The following ZCCHC4 variants were observed in gnomAD, a reference collection of about 807,000 sequenced individuals.
ZCCHC4 encodes the protein zinc finger CCHC-type containing 4.
A neutral mutation model predicts 67.7 loss-of-function variants in ZCCHC4; 54 were observed. The observed-to-expected ratio is 0.80, with a 90% CI of 0.64 to 1.00. ZCCHC4 has a LOEUF of 1.00. Ranked by LOEUF, ZCCHC4 falls within the 50% of genes least tolerant of loss-of-function variation. The pLI, the probability that ZCCHC4 is intolerant of heterozygous loss-of-function variation, is 0.00. For synonymous variants in ZCCHC4, 198 were observed against 213.5 expected (o/e 0.93, Z 0.63); for missense variants, 609 against 617.0 (o/e 0.99, Z 0.14).
chr4:25,314,092 T>G lies in ZCCHC4; in HGVS notation c.174T>G (p.Thr58=). The part of the protein sequence containing the change: ...FVKVTQGKEE[T]RRFYACSACR... ...AGGTGACCCAAGGGAAAGAAGAAAC[T>G]CGGAGGTTTTATGCCTGTTCAGCCT... is the stretch of plus-strand genomic sequence containing the variant. Residue 58 remains threonine (T), a synonymous_variant, in exon 2 of 13, where the codon ACT becomes ACG. Transcript: ENST00000302874. 1 of 1,609,102 alleles carries G rather than the reference T, an allele frequency of 6.2e-7. No individual in the cohort carries two copies. Among genetic ancestry groups the G allele is most frequent in the South Asian group, 1.1e-5 (1 of 90,750 alleles).
At chr4:25,334,049 T>A in intron 5 of ZCCHC4, 61 bp downstream of exon 5, 1 of 1,112,406 alleles carries the variant, frequency 9.0e-7, no homozygotes, top group South Asian at 1.7e-5. Context: ...AATGTTTTTC[T>A]GTTTTTAATT....
At position 25,317,719 on chromosome 4, in the gene ZCCHC4, AAAAAAAAGAAAG is replaced by A. The variant is rs1718337394; in HGVS notation, c.329+2324_329+2335del. On this transcript the variant is annotated intron_variant, in intron 3 of 12. Coordinates refer to ENST00000302874, the MANE Select transcript of ZCCHC4 (RefSeq NM_024936.3). The stretch of plus-strand genomic sequence containing the variant: ...GACGCTGTCACAAAAAAAAAAAAAA[AAAAAAAAGAAAG>A]AAAAGAAAATGGAGCACTACTGTGA... 2.0e-5 allele frequency among the ~76,000 whole-genome samples: 3 copies of A among 148,936 alleles called. No individual in the cohort carries two copies. In the Admixed American group the frequency reaches 2.0e-4, roughly 10 times the overall value.
At chr4:25,316,917 C>T (rs1286257533) in intron 3 of ZCCHC4, among the ~76,000 whole-genome samples, 1 of 152,090 alleles carries the variant, frequency 6.6e-6, no homozygotes, top group African/African-American at 2.4e-5. Flanking sequence ...TGTGATGTTT[C>T]TTTTTTGAAA....
At chr4:25,315,457 G>T in intron 3 of ZCCHC4, 57 bp downstream of exon 3, 5 of 1,322,422 alleles carry the variant, frequency 3.8e-6, no homozygotes, top group African/African-American at 1.5e-5. Context: ...TTTTGTTATT[G>T]CCTTTTTCTG....
In ZCCHC4 at chr4:25,361,985, G is replaced by T; in HGVS notation, c.1133+5G>T. 6.2e-7 allele frequency: 1 copy of T among 1,609,494 alleles called. No individual in the cohort carries two copies. The highest frequency in any genetic ancestry group is 8.5e-7 in the Non-Finnish European group (1 of 1,178,102). On this transcript the variant is annotated splice_donor_5th_base_variant and intron_variant, in intron 9 of 12. Coordinates refer to ENST00000302874, the MANE Select transcript of ZCCHC4 (RefSeq NM_024936.3). ...TCCTACTGAAGAAGGGTACAGGTAA[G>T]ATCACAGTGGAACTTTGAAGTACAC...
At chr4:25,341,443 G>A (rs933535109) in intron 5 of ZCCHC4, among the ~76,000 whole-genome samples, 3 of 152,002 alleles carry the variant, frequency 2.0e-5, no homozygotes, top group Admixed American at 6.5e-5. Context: ...AAAGAGCTTG[G>A]CACCTGCTCC....
Position 25,346,239 on chromosome 4 carries a change from T to TAA in ZCCHC4, c.759+629_759+630dup, listed in dbSNP as rs34624621. Among the ~76,000 whole-genome samples, 344 of 147,406 alleles carry TAA rather than the reference T, an allele frequency of 2.3e-3. 1 individual carries two copies. Among genetic ancestry groups the TAA allele is most frequent in the African/African-American group, 8.0e-3 (326 of 40,700 alleles). On this transcript the variant is annotated intron_variant, in intron 6 of 12. Coordinates refer to ENST00000302874, the MANE Select transcript of ZCCHC4 (RefSeq NM_024936.3). ...ACTGCTCTAAAAAATAAAAGTTCTT[T>TAA]AAAAAAAAAAAGGACTGCAGTTTAA...
At chr4:25,365,200 C>T in intron 12 of ZCCHC4, 34 bp downstream of exon 12, 2 of 1,611,580 alleles carry the variant, frequency 1.2e-6, no homozygotes, top group East Asian at 2.2e-5. Flanking sequence ...AAATGTATTC[C>T]ATCTGTGTTT....
chr4:25,331,396 C>G (rs2109062571), intron 3 of ZCCHC4, among the ~76,000 whole-genome samples: 1 of 152,238 alleles, frequency 6.6e-6, no homozygotes, highest in East Asian at 1.9e-4. Context: ...CCTTGAACTC[C>G]TGGGCTCAAG....
At chr4:25,314,343 A>C (rs1718131698) in intron 2 of ZCCHC4, among the ~76,000 whole-genome samples, 179 bp downstream of exon 2, 1 of 152,212 alleles carries the variant, frequency 6.6e-6, no homozygotes, top group South Asian at 2.1e-4. Context: ...GATTACTGAT[A>C]TCTTAAACTA....
At chr4:25,315,486 C>G in intron 3 of ZCCHC4, 86 bp downstream of exon 3, 3 of 1,019,162 alleles carry the variant, frequency 2.9e-6, no homozygotes, top group East Asian at 5.4e-5. Context: ...AGTTTACTTT[C>G]ATTTATTTAT....
At chr4:25,337,108 C>T (rs1719497553) in intron 5 of ZCCHC4, among the ~76,000 whole-genome samples, 1 of 152,182 alleles carries the variant, frequency 6.6e-6, no homozygotes, top group Non-Finnish European at 1.5e-5. Context: ...ATCCTCCTGC[C>T]TTGTTCCACA....
chr4:25,343,504 A>C (rs1455355445), intron 5 of ZCCHC4, among the ~76,000 whole-genome samples: 1 of 152,230 alleles, frequency 6.6e-6, no homozygotes, highest in Admixed American at 6.5e-5. Flanking sequence ...ACATTTTAGT[A>C]TATGCTATGT....
intron 8 of ZCCHC4, chr4:25,352,427 G>C: frequency 1.1e-6 from 1 of 937,818 alleles, no homozygotes; most frequent in Non-Finnish European, 1.3e-6. Context: ...TTTTTTTTTT[G>C]AGACAGAGTC....
chr4:25,355,688 A>G (rs1413072237), intron 8 of ZCCHC4, among the ~76,000 whole-genome samples: 1 of 152,248 alleles, frequency 6.6e-6, no homozygotes, highest in African/African-American at 2.4e-5. Context: ...TTTTGGCAGC[A>G]ATTTCTGGAA....
intron 3 of ZCCHC4, among the ~76,000 whole-genome samples, chr4:25,329,260 G>A (rs1193136327): frequency 6.6e-6 from 1 of 152,062 alleles, no homozygotes; most frequent in Non-Finnish European, 1.5e-5. Context: ...TTGTACTGTG[G>A]TTCTCTGAGC....
At chr4:25,348,951 T>C (rs1720153724) in intron 6 of ZCCHC4, among the ~76,000 whole-genome samples, 1 of 152,226 alleles carries the variant, frequency 6.6e-6, no homozygotes. Context: ...CTTTGTCGTT[T>C]GTGAACTTTC....
chr4:25,354,181 C>T lies in ZCCHC4; in HGVS notation c.1011+2492C>T, dbSNP rs757660923. Among the ~76,000 whole-genome samples the T allele has an allele frequency of 3.9e-5, 6 of 152,158 alleles. No homozygotes were observed. In the South Asian group the frequency reaches 1.0e-3, roughly 26 times the overall value. ...GACAAAAGAAGACAGATCCAGAATA[C>T]AGCAGATGAGAGAGGCAATTTTGGA... On this transcript the variant is annotated intron_variant, in intron 8 of 12. Coordinates refer to ENST00000302874, the MANE Select transcript of ZCCHC4 (RefSeq NM_024936.3).
intron 4 of ZCCHC4, 29 bp from the exon 5 acceptor site, chr4:25,333,879 A>T: frequency 6.7e-7 from 1 of 1,482,274 alleles, no homozygotes; most frequent in Non-Finnish European, 9.2e-7. Context: ...GTAATATCTT[A>T]TTACATTTGC....
Sources: allele counts gnomAD v4.1 joint callset (sites outside exome capture counted in the v4.1 genomes callset), GRCh38; gene constraint gnomAD v4.1.1; transcripts MANE v1.5; gene names NCBI Gene and HGNC (gene_info 2026-07-23, HGNC 2026-07-21).